Variants in RGS6 observed in about 807,000 individuals in gnomAD.
RGS6 encodes the protein regulator of G-protein signaling 6.
Under a neutral mutation model 78.5 loss-of-function variants are expected in RGS6, and 30 were observed. The ratio of observed to expected loss-of-function variants is 0.38; its 90% CI spans 0.29 to 0.52. RGS6 has a LOEUF of 0.52. RGS6 is among the 20% of genes least tolerant of loss of function. The pLI, the probability that RGS6 is intolerant of heterozygous loss-of-function variation, is 0.85. For missense variants in RGS6, 495 were observed against 609.7 expected (o/e 0.81, Z 1.98); for synonymous variants, 206 against 206.0 (o/e 1.00, Z 0.00).
chr14:71,919,275 C>G, the RGS6 span, among the ~76,000 whole-genome samples: 1 of 152,110 alleles, frequency 6.6e-6, no homozygotes, highest in East Asian at 1.9e-4. Context: ...GAGGGCAGGT[C>G]CCCCTACTCT....
At chr14:72,310,891 T>C (rs748430260) in intron 2 of RGS6, among the ~76,000 whole-genome samples, 10 of 152,236 alleles carry the variant, frequency 6.6e-5, no homozygotes, top group African/African-American at 2.4e-4. Context: ...TCAGAATTCA[T>C]AGGTACCAGG....
Position 72,036,200 on chromosome 14 carries a change from A to ATATTATTATTATTATTAT in RGS6, c.84+71338_84+71355dup, listed in dbSNP as rs3053081. The stretch of plus-strand genomic sequence containing the variant: ...CTCATCCAAGTTGTTGCATGTAAAC[A>ATATTATTATTATTATTAT]TATTATTATTATTATTATTATTATT... On this transcript the variant is annotated intron_variant, in intron 2 of 17. Transcript: ENST00000553525. Among the ~76,000 whole-genome samples the ATATTATTATTATTATTAT allele has an allele frequency of 2.6e-3, 379 of 146,812 alleles. 5 individuals are homozygous for ATATTATTATTATTATTAT. Among genetic ancestry groups the ATATTATTATTATTATTAT allele is most frequent in the Non-Finnish European group, 2.3e-3 (156 of 66,882 alleles).
chr14:72,380,732 T>C (rs1047165757), intron 3 of RGS6, among the ~76,000 whole-genome samples: 1 of 152,072 alleles, frequency 6.6e-6, no homozygotes, highest in Non-Finnish European at 1.5e-5. Context: ...GGATGTAAAC[T>C]AGTAGAGCCA....
At chr14:72,266,731 G>T (rs1467285386) in intron 2 of RGS6, among the ~76,000 whole-genome samples, 1 of 152,154 alleles carries the variant, frequency 6.6e-6, no homozygotes, top group African/African-American at 2.4e-5. Context: ...TAAACTGATG[G>T]CCTTTTCTAG....
At chr14:72,515,086 A>G (rs2096923998) in intron 14 of RGS6, among the ~76,000 whole-genome samples, 2 of 152,238 alleles carry the variant, frequency 1.3e-5, no homozygotes, top group Admixed American at 1.3e-4. Context: ...CTGCTGTGAC[A>G]GCAGTTTTGC....
downstream of RGS6, among the ~76,000 whole-genome samples, chr14:72,567,626 G>C (rs981685244): frequency 6.6e-6 from 1 of 152,204 alleles, no homozygotes; most frequent in Non-Finnish European, 1.5e-5. Context: ...CAGGCATGAA[G>C]CTGTCCTCTC....
chr14:72,602,362 A>T, the RGS6 span, among the ~76,000 whole-genome samples: 1 of 152,216 alleles, frequency 6.6e-6, no homozygotes, highest in East Asian at 1.9e-4. Context: ...CATGCTAGGT[A>T]CTATACACAT....
intron 3 of RGS6, among the ~76,000 whole-genome samples, chr14:72,431,002 G>T (rs1379741758): frequency 6.6e-6 from 1 of 152,172 alleles, no homozygotes; most frequent in Non-Finnish European, 1.5e-5. Context: ...AACTGAAGGG[G>T]TGAAGTTCAG....
At chr14:72,342,998 G>A (rs966418521) in intron 2 of RGS6, among the ~76,000 whole-genome samples, 3 of 152,192 alleles carry the variant, frequency 2.0e-5, no homozygotes, top group Non-Finnish European at 4.4e-5. Flanking sequence ...TGCTTCCCCA[G>A]AAGGAGAAGA....
chr14:71,942,006 C>G (rs1456158027), intron 1 of RGS6, among the ~76,000 whole-genome samples: 3 of 152,130 alleles, frequency 2.0e-5, no homozygotes, highest in Admixed American at 6.5e-5. Context: ...AATATACCTG[C>G]CAATAGGTGT....
intron 2 of RGS6, among the ~76,000 whole-genome samples, chr14:72,004,963 C>A (rs753333326): frequency 3.3e-5 from 5 of 152,188 alleles, no homozygotes; most frequent in Non-Finnish European, 5.9e-5. Context: ...GATAAAAATT[C>A]ATAAAAAGCG....
chr14:72,131,800 A>G (rs2096324149), intron 2 of RGS6, among the ~76,000 whole-genome samples: 1 of 152,258 alleles, frequency 6.6e-6, no homozygotes, highest in Admixed American at 6.5e-5. Flanking sequence ...CTTTCTCAAT[A>G]TACATTAAAG....
At chr14:72,425,243 A>G (rs1005402258) in intron 3 of RGS6, among the ~76,000 whole-genome samples, 1 of 152,108 alleles carries the variant, frequency 6.6e-6, no homozygotes, top group Non-Finnish European at 1.5e-5. Context: ...AGTTCAGGCA[A>G]TTCTCATGCC....
the RGS6 span, among the ~76,000 whole-genome samples, chr14:72,613,732 C>G: frequency 0.65 from 98,903 of 152,022 alleles, 33,366 homozygotes; most frequent in East Asian, 0.99. Flanking sequence ...ACCCATGGTA[C>G]GGAACTGGCA....
intron 2 of RGS6, among the ~76,000 whole-genome samples, chr14:72,174,798 G>C (rs576601568): frequency 4.9e-4 from 75 of 152,350 alleles, no homozygotes; most frequent in African/African-American, 1.8e-3. Context: ...ATGGCTGTCA[G>C]TCTGAGGTCG....
intron 2 of RGS6, among the ~76,000 whole-genome samples, chr14:72,306,169 G>A (rs1001118451): frequency 1.3e-5 from 2 of 152,090 alleles, no homozygotes; most frequent in Admixed American, 6.5e-5. Context: ...ATGGAACAAC[G>A]AAGCCCAGAT....
intron 2 of RGS6, among the ~76,000 whole-genome samples, chr14:72,325,784 GCA>G (rs745959062): frequency 2.0e-5 from 3 of 152,002 alleles, no homozygotes; most frequent in African/African-American, 7.2e-5. Flanking sequence ...TTGAAAAAAT[GCA>G]CAGTCTCACT....
intron 2 of RGS6, among the ~76,000 whole-genome samples, chr14:72,084,354 A>T (rs1209944597): frequency 6.6e-6 from 1 of 152,274 alleles, no homozygotes; most frequent in South Asian, 2.1e-4. Flanking sequence ...TATGCAGCCC[A>T]GTTCCTAACA....
At chr14:72,354,787 G>A (rs1273475874) in intron 3 of RGS6, among the ~76,000 whole-genome samples, 1 of 152,138 alleles carries the variant, frequency 6.6e-6, no homozygotes, top group African/African-American at 2.4e-5. Context: ...GACACGTTCA[G>A]TCCAAAATAG....
Sources: gnomAD v4.1 joint callset for allele counts (sites outside exome capture counted in the v4.1 genomes callset) on GRCh38, gnomAD v4.1.1 for gene constraint, MANE v1.5 for transcripts, NCBI Gene and HGNC (gene_info 2026-07-23, HGNC 2026-07-21) for gene names.